ADAM18: variants seen among roughly 807,000 people sequenced by gnomAD.
ADAM18 encodes ADAM metallopeptidase domain 18.
A neutral mutation model predicts 94.4 loss-of-function variants in ADAM18; 117 were observed. The observed-to-expected ratio is 1.24, with a 90% CI of 1.07 to 1.45. The LOEUF (loss-of-function observed/expected upper bound fraction) is 1.45. ADAM18 is among the 40% of genes most tolerant of loss of function. The pLI is 0.00. For missense variants in ADAM18, 936 were observed against 880.0 expected (o/e 1.06, Z -0.81); for synonymous variants, 327 against 291.6 (o/e 1.12, Z -1.24).
chr8:39,591,806 G>C (rs1818577496), intron 2 of ADAM18, among the ~76,000 whole-genome samples: 1 of 152,178 alleles, frequency 6.6e-6, no homozygotes, highest in Admixed American at 6.5e-5. Context: ...ATCCAACAGA[G>C]GAATCACTAT....
chr8:39,650,764 G>T (rs558792541), intron 12 of ADAM18, among the ~76,000 whole-genome samples: 1 of 152,276 alleles, frequency 6.6e-6, no homozygotes, highest in Non-Finnish European at 1.5e-5. Flanking sequence ...ATAACATTTT[G>T]CACGAAAATA....
intron 10 of ADAM18, 115 bp from the exon 11 acceptor site, chr8:39,645,223 G>A (rs1820345030): frequency 2.3e-6 from 2 of 862,048 alleles, no homozygotes; most frequent in Admixed American, 6.1e-5. Context: ...TTGTTGTGAA[G>A]TATGCTTAAC....
chr8:39,660,964 A>G (rs1040338428), intron 12 of ADAM18, among the ~76,000 whole-genome samples: 1 of 152,062 alleles, frequency 6.6e-6, no homozygotes, highest in Non-Finnish European at 1.5e-5. Flanking sequence ...TAAATGTTCC[A>G]TAGGTGATAA....
Position 39,648,348 on chromosome 8 carries a change from G to A in ADAM18, c.1051G>A (p.Ala351Thr), listed in dbSNP as rs1227773765. Residue 351 changes from alanine to threonine, a missense_variant, in exon 12 of 20, where the codon GCC becomes ACC. By Grantham distance (58) the Ala-to-Thr change is moderately conservative (BLOSUM62 0). Coordinates refer to ENST00000265707, the MANE Select transcript of ADAM18 (RefSeq NM_014237.3). Reference sequence around the variant, plus strand: ...AGGAATATTATTTTATTTTAGGAGTGCCAGTGGTAGAAAGATTTTTAGCAA... The same window carrying A: ...AGGAATATTATTTTATTTTAGGAGTACCAGTGGTAGAAAGATTTTTAGCAA... ...TCIMNHEAVS[A>T]SGRKIFSNCS... 1 of 1,588,798 alleles carries A rather than the reference G, an allele frequency of 6.3e-7. No individual in the cohort carries two copies. Among genetic ancestry groups the A allele is most frequent in the Non-Finnish European group, 8.6e-7 (1 of 1,168,016 alleles).
At chr8:39,710,594 T>G (rs1253289946) in intron 18 of ADAM18, among the ~76,000 whole-genome samples, 3 of 152,190 alleles carry the variant, frequency 2.0e-5, no homozygotes, top group Non-Finnish European at 4.4e-5. Context: ...TACCTTAGAC[T>G]AGCCTGACCC....
intron 13 of ADAM18, among the ~76,000 whole-genome samples, chr8:39,667,401 CAAAAAAAA>C (rs377507911): frequency 9.3e-5 from 5 of 54,026 alleles, no homozygotes; most frequent in African/African-American, 2.9e-4. Flanking sequence ...AACTCCATCT[CAAAAAAAA>C]AAAAAAAAAA....
intron 19 of ADAM18, among the ~76,000 whole-genome samples, chr8:39,726,294 G>A (rs771411127): frequency 1.7e-4 from 25 of 149,262 alleles, no homozygotes; most frequent in African/African-American, 3.8e-4. Flanking sequence ...GTGTGTGTGT[G>A]TATATATATA....
intron 18 of ADAM18, among the ~76,000 whole-genome samples, chr8:39,722,978 G>T (rs1320446194): frequency 8.8e-6 from 1 of 113,820 alleles, no homozygotes; most frequent in African/African-American, 3.5e-5. Flanking sequence ...AACAAACCAT[G>T]ATCATTGTAA....
At position 39,609,536 on chromosome 8, in the gene ADAM18, A is replaced by G; in HGVS notation, c.319A>G (p.Thr107Ala). 9 of 1,611,078 alleles carry G rather than the reference A, an allele frequency of 5.6e-6. No homozygotes were observed. The highest frequency in any genetic ancestry group is 7.6e-6 in the Non-Finnish European group (9 of 1,178,040). The part of the protein sequence containing the change: ...YAAEFPNSFV[T>A]LSICSGLRGF... The stretch of plus-strand genomic sequence containing the variant: ...TGCCGAATTTCCAAATTCATTTGTG[A>G]CACTCAGTATATGTTCTGGTCTCAG... The change falls in exon 5 of 20, where the codon ACA (threonine) becomes GCA (alanine). Residue 107 changes from threonine (T) to alanine (A), a missense_variant. Physicochemically the swap from Thr to Ala is moderately conservative, Grantham distance 58. Coordinates refer to ENST00000265707, the MANE Select transcript of ADAM18 (RefSeq NM_014237.3).
intron 17 of ADAM18, 150 bp from the exon 18 acceptor site, chr8:39,706,640 C>T (rs1822249223): frequency 9.3e-6 from 4 of 431,648 alleles, no homozygotes; most frequent in Admixed American, 3.9e-5. Context: ...ACCACTTTTT[C>T]TAACCTATTT....
chr8:39,675,869 C>A (rs1489742041), intron 14 of ADAM18, among the ~76,000 whole-genome samples: 1 of 152,212 alleles, frequency 6.6e-6, no homozygotes, highest in African/African-American at 2.4e-5. Flanking sequence ...AGTTTTCCTT[C>A]TAATGGTCAG....
intron 2 of ADAM18, among the ~76,000 whole-genome samples, chr8:39,585,631 A>G (rs931320751): frequency 4.6e-5 from 7 of 152,190 alleles, no homozygotes; most frequent in African/African-American, 1.2e-4. Flanking sequence ...TCAATATAAA[A>G]TATTCATGAC....
intron 7 of ADAM18, among the ~76,000 whole-genome samples, chr8:39,633,661 A>G (rs112292124): frequency 0.011 from 1,724 of 152,294 alleles, 40 homozygotes; most frequent in African/African-American, 0.04. Context: ...TGATGAACTC[A>G]GATATTTGGC....
chr8:39,683,839 T>C (rs1026217415), intron 16 of ADAM18, among the ~76,000 whole-genome samples: 1 of 152,026 alleles, frequency 6.6e-6, no homozygotes, highest in African/African-American at 2.4e-5. Flanking sequence ...TTGTTTTACT[T>C]ACTTTTTTTG....
intron 18 of ADAM18, among the ~76,000 whole-genome samples, chr8:39,707,652 A>ATGTATGTATATTT (rs1340409498): frequency 6.6e-6 from 1 of 152,174 alleles, no homozygotes; most frequent in South Asian, 2.1e-4. Context: ...GAAAATATGT[A>ATGTATGTATATTT]TGTATGTATA....
chr8:39,619,289 C>G (rs1367292467), intron 6 of ADAM18, among the ~76,000 whole-genome samples: 2 of 152,096 alleles, frequency 1.3e-5, no homozygotes, highest in Non-Finnish European at 2.9e-5. Context: ...AGAAATACCA[C>G]GTTTTAACTC....
chr8:39,622,330 T>C (rs1819639527), intron 6 of ADAM18, among the ~76,000 whole-genome samples: 1 of 149,792 alleles, frequency 6.7e-6, no homozygotes, highest in African/African-American at 2.4e-5. Context: ...TACATATATA[T>C]AATGGCCTCT....
intron 12 of ADAM18, among the ~76,000 whole-genome samples, chr8:39,654,640 A>G (rs1022138392): frequency 7.6e-6 from 1 of 131,402 alleles, no homozygotes; most frequent in Non-Finnish European, 1.7e-5. Flanking sequence ...CATAATAACT[A>G]TAATACTTTA....
chr8:39,679,236 T>A (rs923872625), intron 15 of ADAM18, among the ~76,000 whole-genome samples: 2 of 152,184 alleles, frequency 1.3e-5, no homozygotes, highest in African/African-American at 4.8e-5. Context: ...AGCCTTTTGA[T>A]GAAATAATAA....
Sources: gnomAD v4.1 joint callset for allele counts (sites outside exome capture counted in the v4.1 genomes callset) on GRCh38, gnomAD v4.1.1 for gene constraint, MANE v1.5 for transcripts, NCBI Gene and HGNC (gene_info 2026-07-23, HGNC 2026-07-21) for gene names.